MAML2: variants seen among roughly 807,000 people sequenced by gnomAD.
MAML2 encodes the protein mastermind-like protein 2.
Under a neutral mutation model 96.1 loss-of-function variants are expected in MAML2, and 22 were observed. The observed-to-expected ratio is 0.23, with a 90% confidence interval of 0.16 to 0.33. The LOEUF (loss-of-function observed/expected upper bound fraction) is 0.33, where lower values mean the gene tolerates loss of function less well. Ranked by LOEUF, MAML2 falls within the 10% of genes least tolerant of loss-of-function variation. The pLI is 1.00. For missense variants in MAML2, 1,367 were observed against 1,392.4 expected (o/e 0.98, Z 0.29); for synonymous variants, 561 against 521.3 (o/e 1.08, Z -1.04).
chr11:96,066,910 TTGG>T (rs1859253278), intron 2 of MAML2, among the ~76,000 whole-genome samples: 1 of 152,188 alleles, frequency 6.6e-6, no homozygotes, highest in Non-Finnish European at 1.5e-5. Context: ...GGGCTTGTAC[TTGG>T]TGCATTCTGG....
chr11:96,161,410 G>A (rs1221444095), intron 1 of MAML2, among the ~76,000 whole-genome samples: 1 of 152,112 alleles, frequency 6.6e-6, no homozygotes, highest in African/African-American at 2.4e-5. Flanking sequence ...AGAACAGCCC[G>A]GATCTTTTTC....
intron 1 of MAML2, among the ~76,000 whole-genome samples, chr11:96,298,747 T>C (rs1863337041): frequency 6.8e-6 from 1 of 147,188 alleles, no homozygotes. Flanking sequence ...TATATATATA[T>C]ATATAAATTT....
chr11:96,334,331 C>G (rs1025889655), intron 1 of MAML2, among the ~76,000 whole-genome samples: 126 of 152,260 alleles, frequency 8.3e-4, no homozygotes, highest in African/African-American at 3.0e-3. Flanking sequence ...TGAGCCTTTA[C>G]GAGGTGCTAG....
chr11:95,982,568 G>A (rs1857757756), intron 4 of MAML2, among the ~76,000 whole-genome samples: 1 of 152,152 alleles, frequency 6.6e-6, no homozygotes, highest in African/African-American at 2.4e-5. Context: ...GATAAAAGAT[G>A]CTTGAAATCC....
At chr11:96,006,563 C>CTTT (rs367732430) in intron 2 of MAML2, among the ~76,000 whole-genome samples, 5 of 138,658 alleles carry the variant, frequency 3.6e-5, no homozygotes, top group Non-Finnish European at 7.9e-5. Context: ...TTTTTTTTTT[C>CTTT]TTTTTTTTTT....
chr11:96,327,112 T>C (rs551587063), intron 1 of MAML2, among the ~76,000 whole-genome samples: 3 of 152,304 alleles, frequency 2.0e-5, no homozygotes, highest in Non-Finnish European at 2.9e-5. Context: ...CTGCTCTAGT[T>C]AGGGTAGACA....
intron 2 of MAML2, among the ~76,000 whole-genome samples, chr11:96,023,598 C>G (rs1165004875): frequency 6.6e-6 from 1 of 152,116 alleles, no homozygotes; most frequent in African/African-American, 2.4e-5. Context: ...GATGTCCCAT[C>G]TGTGGGCGTG....
chr11:96,192,157 G>A lies in MAML2; in HGVS notation c.514-98640C>T, dbSNP rs528870876. Among the ~76,000 whole-genome samples the A allele has an allele frequency of 2.6e-5, 4 of 152,320 alleles. No homozygotes were observed. The South Asian group carries it at 6.2e-4, about 24-fold the overall frequency. Reference sequence around the variant, plus strand: ...GTGAGGGTGAGCTTTCTGCAAAGCCGAGGGTCGAGGCTGGCTGGAAAACAG... The same window carrying A: ...GTGAGGGTGAGCTTTCTGCAAAGCCAAGGGTCGAGGCTGGCTGGAAAACAG... On this transcript the variant is annotated intron_variant, in intron 1 of 4. Transcript: ENST00000524717.
intron 2 of MAML2, among the ~76,000 whole-genome samples, chr11:96,047,142 A>C (rs1192823177): frequency 6.6e-6 from 1 of 152,212 alleles, no homozygotes; most frequent in Non-Finnish European, 1.5e-5. Flanking sequence ...AACTGACAGG[A>C]GTATAGTGTC....
At chr11:96,313,070 A>G (rs1863567190) in intron 1 of MAML2, among the ~76,000 whole-genome samples, 1 of 152,188 alleles carries the variant, frequency 6.6e-6, no homozygotes, top group South Asian at 2.1e-4. Context: ...CTACTATGCT[A>G]AGTATTTTAT....
intron 2 of MAML2, among the ~76,000 whole-genome samples, chr11:96,078,241 T>G (rs1297485178): frequency 1.3e-5 from 2 of 152,238 alleles, no homozygotes; most frequent in Non-Finnish European, 2.9e-5. Context: ...GCTCAATCAG[T>G]GTACACTGAA....
chr11:96,284,609 T>C (rs1027458163), intron 1 of MAML2, among the ~76,000 whole-genome samples: 1 of 152,218 alleles, frequency 6.6e-6, no homozygotes, highest in Non-Finnish European at 1.5e-5. Flanking sequence ...CTAAAGTAAC[T>C]GTGACACCAT....
chr11:96,194,291 C>T (rs1251831051), intron 1 of MAML2, among the ~76,000 whole-genome samples: 1 of 152,228 alleles, frequency 6.6e-6, no homozygotes, highest in East Asian at 1.9e-4. Flanking sequence ...TCACTTCAGT[C>T]CCAGTGTCTG....
At chr11:96,134,198 C>T (rs959422268) in intron 1 of MAML2, among the ~76,000 whole-genome samples, 3 of 152,098 alleles carry the variant, frequency 2.0e-5, no homozygotes, top group East Asian at 3.8e-4. Context: ...GGACACAGGA[C>T]TCTATTTTTT....
intron 1 of MAML2, among the ~76,000 whole-genome samples, chr11:96,149,893 G>C (rs887796433): frequency 6.6e-6 from 1 of 151,590 alleles, no homozygotes; most frequent in African/African-American, 2.4e-5. Context: ...TCTCTGCCTG[G>C]CTCTGCCTGT....
chr11:96,146,034 G>C (rs979376190), intron 1 of MAML2, among the ~76,000 whole-genome samples: 1 of 152,078 alleles, frequency 6.6e-6, no homozygotes, highest in African/African-American at 2.4e-5. Flanking sequence ...ATACTTACAC[G>C]TGTGTGTGCC....
intron 1 of MAML2, among the ~76,000 whole-genome samples, chr11:96,267,297 A>G (rs934618707): frequency 1.3e-5 from 2 of 152,200 alleles, no homozygotes; most frequent in African/African-American, 4.8e-5. Context: ...TCTATCCCAC[A>G]TATTAAGACT....
At chr11:96,169,904 C>T (rs551413932) in intron 1 of MAML2, among the ~76,000 whole-genome samples, 3 of 152,222 alleles carry the variant, frequency 2.0e-5, no homozygotes, top group Non-Finnish European at 2.9e-5. Context: ...CTGCCCGTCT[C>T]GGCCTCCCAA....
At chr11:96,007,727 T>A (rs893729821) in intron 2 of MAML2, among the ~76,000 whole-genome samples, 1 of 152,098 alleles carries the variant, frequency 6.6e-6, no homozygotes, top group Non-Finnish European at 1.5e-5. Flanking sequence ...GATTTATAAT[T>A]ACTTAGATAT....
Sources: allele counts gnomAD v4.1 joint callset (sites outside exome capture counted in the v4.1 genomes callset), GRCh38; gene constraint gnomAD v4.1.1; transcripts MANE v1.5; gene names NCBI Gene and HGNC (gene_info 2026-07-23, HGNC 2026-07-21).